Variants in LPP observed in about 807,000 individuals in gnomAD.
LPP encodes LIM domain containing preferred translocation partner in lipoma.
In LPP, 38 loss-of-function variants were observed where a neutral mutation model predicts 60.4. The ratio of observed to expected loss-of-function variants is 0.63; its 90% CI spans 0.49 to 0.83. LPP has a LOEUF of 0.83. Ranked by LOEUF, LPP falls within the 40% of genes least tolerant of loss-of-function variation. The pLI, the probability that LPP is intolerant of heterozygous loss-of-function variation, is 0.00. For synonymous variants in LPP, 328 were observed against 290.8 expected, an observed-to-expected ratio of 1.13 and a Z score of -1.30; for missense variants, 902 against 783.6, an observed-to-expected ratio of 1.15 and a Z score of -1.80.
intron 2 of LPP, among the ~76,000 whole-genome samples, chr3:188,283,693 A>G (rs1439231215): frequency 6.6e-6 from 1 of 152,196 alleles, no homozygotes; most frequent in Non-Finnish European, 1.5e-5. Context: ...AGTCTGCAAG[A>G]GACATGTTTG....
intron 7 of LPP, among the ~76,000 whole-genome samples, chr3:188,625,019 A>G (rs918476686): frequency 3.3e-5 from 5 of 151,348 alleles, no homozygotes; most frequent in Non-Finnish European, 5.9e-5. Flanking sequence ...TTAGGTTTCT[A>G]TATCCCTTTA....
At chr3:188,424,394 C>T (rs1303842174) in intron 4 of LPP, among the ~76,000 whole-genome samples, 1 of 152,142 alleles carries the variant, frequency 6.6e-6, no homozygotes, top group Non-Finnish European at 1.5e-5. Flanking sequence ...AGCATGATGC[C>T]TCCAGCTTTG....
intron 4 of LPP, among the ~76,000 whole-genome samples, chr3:188,463,376 T>A (rs1799611382): frequency 1.3e-5 from 2 of 151,504 alleles, no homozygotes; most frequent in African/African-American, 4.9e-5. Flanking sequence ...AAAAAAAAAG[T>A]TTAGAAATGG....
intron 8 of LPP, among the ~76,000 whole-genome samples, chr3:188,726,512 G>C (rs537447719): frequency 3.9e-5 from 6 of 152,152 alleles, no homozygotes; most frequent in Non-Finnish European, 8.8e-5. Flanking sequence ...ACATTCCAGT[G>C]AGAAGAAAAT....
At chr3:188,260,819 G>A (rs957981446) in intron 2 of LPP, among the ~76,000 whole-genome samples, 3 of 152,072 alleles carry the variant, frequency 2.0e-5, no homozygotes, top group African/African-American at 7.2e-5. Flanking sequence ...GATGGTTTGA[G>A]GTCAGGAGTT....
rs1725231006 is a variant in LPP, at chr3:188,182,254, T to C, written c.-190+28002T>C. On this transcript the variant is annotated intron_variant, in intron 1 of 11. Transcript: ENST00000617246. The surrounding 1 kb of genome is among the most constrained non-coding windows in gnomAD (Gnocchi z 4.4). Reference sequence around the variant, plus strand: ...TTGCTCCTTGGGCCAGCAGCATCAGTATCACTTAGCACTTGTTACCAGTGG... The same window carrying C: ...TTGCTCCTTGGGCCAGCAGCATCAGCATCACTTAGCACTTGTTACCAGTGG... Among the ~76,000 whole-genome samples, 1 of 152,186 alleles carries C rather than the reference T, an allele frequency of 6.6e-6. No homozygotes were observed. The highest frequency in any genetic ancestry group is 1.9e-4 in the East Asian group (1 of 5,190).
chr3:188,256,341 CCAA>C (rs1309326973), intron 2 of LPP, among the ~76,000 whole-genome samples: 1 of 152,016 alleles, frequency 6.6e-6, no homozygotes, highest in East Asian at 1.9e-4. Flanking sequence ...TTTGGGTTGA[CCAA>C]CACATCTTTT....
intron 2 of LPP, among the ~76,000 whole-genome samples, chr3:188,266,458 G>A (rs1429112130): frequency 6.6e-6 from 1 of 151,794 alleles, no homozygotes; most frequent in African/African-American, 2.4e-5. Context: ...AAAGTGGCTG[G>A]GGAGAAGATG....
At chr3:188,395,523 CT>C (rs1383119743) in intron 3 of LPP, among the ~76,000 whole-genome samples, 1 of 152,142 alleles carries the variant, frequency 6.6e-6, no homozygotes, top group Non-Finnish European at 1.5e-5. Context: ...TGAGCCACTG[CT>C]CCCAGCTGAG....
At chr3:188,595,959 C>T (rs1462224575) in intron 6 of LPP, among the ~76,000 whole-genome samples, 1 of 152,168 alleles carries the variant, frequency 6.6e-6, no homozygotes, top group Non-Finnish European at 1.5e-5. Context: ...CCTCCTTTGC[C>T]TCACCCTTTT....
intron 9 of LPP, among the ~76,000 whole-genome samples, chr3:188,810,905 T>G (rs1038620157): frequency 6.6e-6 from 1 of 152,160 alleles, no homozygotes; most frequent in Admixed American, 6.5e-5. Flanking sequence ...TACCATAATT[T>G]TTTTGTTCTA....
Position 188,283,796 on chromosome 3 carries a change from G to A in LPP, c.-66-57867G>A, listed in dbSNP as rs750028926. The stretch of plus-strand genomic sequence containing the variant: ...AGTTCGAGACTAGCCTGACCAACAC[G>A]GTGAAAGCCCATCTCTACTAAAATA... On this transcript the variant is annotated intron_variant, in intron 2 of 11. Coordinates refer to ENST00000617246, the MANE Select transcript of LPP (RefSeq NM_001375462.1). Among the ~76,000 whole-genome samples the A allele has an allele frequency of 2.6e-5, 4 of 152,062 alleles. No homozygotes were observed. In the East Asian group the frequency reaches 7.8e-4, roughly 30 times the overall value.
In LPP at chr3:188,209,923, A is replaced by G. The variant is rs551534364; in HGVS notation, c.-189-15482A>G. On this transcript the variant is annotated intron_variant, in intron 1 of 11. Transcript: ENST00000617246. ...TGGATTTCAAGTTGGCAAAAAATGC[A>G]TTAGAAGTCAGCAGTGTGATGTGGT... is the stretch of plus-strand genomic sequence containing the variant. Among the ~76,000 whole-genome samples the G allele has an allele frequency of 9.3e-4, 141 of 152,322 alleles. 7 individuals carry two copies. In the South Asian group the frequency reaches 0.029, roughly 31 times the overall value.
chr3:188,335,751 A>G (rs1235395588), intron 2 of LPP, among the ~76,000 whole-genome samples: 1 of 152,162 alleles, frequency 6.6e-6, no homozygotes, highest in African/African-American at 2.4e-5. Context: ...GTCTGAAACT[A>G]AAGAGCTACA....
At chr3:188,539,964 C>T (rs1824705599) in intron 6 of LPP, among the ~76,000 whole-genome samples, 1 of 152,124 alleles carries the variant, frequency 6.6e-6, no homozygotes, top group African/African-American at 2.4e-5. Context: ...CATTCTGTTC[C>T]AGGCCCTTAA....
intron 7 of LPP, among the ~76,000 whole-genome samples, chr3:188,666,637 T>C (rs1855858365): frequency 6.6e-6 from 1 of 152,234 alleles, no homozygotes; most frequent in South Asian, 2.1e-4. Flanking sequence ...GAAAGAGAAA[T>C]GCTTGCATGG....
At chr3:188,428,686 T>C (rs1451986540) in intron 4 of LPP, among the ~76,000 whole-genome samples, 1 of 151,806 alleles carries the variant, frequency 6.6e-6, no homozygotes, top group Admixed American at 6.6e-5. Flanking sequence ...ACTGTCAAGG[T>C]GTTTTTCAGG....
chr3:188,328,887 A>G lies in LPP; in HGVS notation c.-66-12776A>G, dbSNP rs184280416. Reference sequence around the variant, plus strand: ...GACAGTACTCAAGGACTGAGATTTAATAAGATTGATACGTTTCAATGCATT... The same window carrying G: ...GACAGTACTCAAGGACTGAGATTTAGTAAGATTGATACGTTTCAATGCATT... On this transcript the variant is annotated intron_variant, in intron 2 of 11. Transcript: ENST00000617246. 3.9e-3 allele frequency among the ~76,000 whole-genome samples: 594 copies of G among 152,296 alleles called. 2 individuals are homozygous for G. Among genetic ancestry groups the G allele is most frequent in the Non-Finnish European group, 5.3e-3 (362 of 68,032 alleles).
intron 2 of LPP, among the ~76,000 whole-genome samples, chr3:188,283,684 G>A (rs761458533): frequency 1.3e-5 from 2 of 152,190 alleles, no homozygotes; most frequent in Non-Finnish European, 2.9e-5. Flanking sequence ...CCAGTGCTAA[G>A]TCTGCAAGAG....
Sources: allele counts gnomAD v4.1 joint callset (sites outside exome capture counted in the v4.1 genomes callset), GRCh38; gene constraint gnomAD v4.1.1; non-coding constraint Gnocchi (gnomAD v3.1); transcripts MANE v1.5; gene names NCBI Gene and HGNC (gene_info 2026-07-23, HGNC 2026-07-21).